TMEM163: variants seen among roughly 807,000 people sequenced by gnomAD.
TMEM163 encodes transmembrane protein 163.
TMEM163 carries 17 observed loss-of-function variants against 29.3 expected under a neutral mutation model. The observed-to-expected ratio is 0.58, with a 90% CI of 0.40 to 0.87. The LOEUF is 0.87. Among genes scored for constraint, TMEM163 ranks in the 40% least tolerant of loss-of-function variants. The pLI is 0.00. For missense variants in TMEM163, 303 were observed against 381.5 expected, an observed-to-expected ratio of 0.79 and a Z score of 1.71; for synonymous variants, 157 against 160.6, an observed-to-expected ratio of 0.98 and a Z score of 0.17.
chr2:134,456,487 G>T lies in TMEM163; in HGVS notation c.*229C>A. 1.8e-6 allele frequency: 1 copy of T among 564,506 alleles called. No homozygotes were observed. 35.0% of individuals were successfully genotyped at this position (564,506 alleles called of 1,614,324 possible). ...CTAAAAAACGCCAGTCCCAGCTGGA[G>T]ACGGGGAAGGAGGTCCATTCCTATG... On this transcript the variant is annotated 3_prime_UTR_variant, in exon 8 of 8. Coordinates refer to ENST00000281924, the MANE Select transcript of TMEM163 (RefSeq NM_030923.5).
chr2:134,644,465 T>C (rs1326728232), intron 2 of TMEM163, among the ~76,000 whole-genome samples: 1 of 152,142 alleles, frequency 6.6e-6, no homozygotes, highest in Non-Finnish European at 1.5e-5. Flanking sequence ...GCCATATGAT[T>C]CCTTTCACAG....
chr2:134,622,220 A>G lies in TMEM163; in HGVS notation c.323-70129T>C, dbSNP rs1192304095. ...TTTGGGGGTGATGAAATGTTTTACA[A>G]TGGAATAATGGTGATACACAAGTTT... is the stretch of plus-strand genomic sequence containing the variant. On this transcript the variant is annotated intron_variant, in intron 2 of 7. Transcript: ENST00000281924. Among the ~76,000 whole-genome samples, 7 of 152,326 alleles carry G rather than the reference A, an allele frequency of 4.6e-5. No individual in the cohort carries two copies. The East Asian group carries it at 1.3e-3, about 29-fold the overall frequency.
chr2:134,640,798 T>C (rs564053350), intron 2 of TMEM163, among the ~76,000 whole-genome samples: 9 of 152,302 alleles, frequency 5.9e-5, no homozygotes, highest in South Asian at 2.1e-4. Context: ...CTTCAGATCA[T>C]AGAAAACTTA....
intron 5 of TMEM163, among the ~76,000 whole-genome samples, chr2:134,499,557 C>A (rs1039453133): frequency 6.6e-6 from 1 of 152,234 alleles, no homozygotes; most frequent in Non-Finnish European, 1.5e-5. Flanking sequence ...GGGCAGGCAA[C>A]ACCACGAGGC....
intron 2 of TMEM163, among the ~76,000 whole-genome samples, chr2:134,639,607 GT>G (rs1683184025): frequency 1.3e-5 from 2 of 152,198 alleles, no homozygotes; most frequent in Non-Finnish European, 2.9e-5. Context: ...TAAATGTGCT[GT>G]TTTTGTGTAA....
intron 2 of TMEM163, among the ~76,000 whole-genome samples, chr2:134,581,589 C>T (rs190976784): frequency 1.5e-3 from 229 of 152,256 alleles, no homozygotes; most frequent in African/African-American, 4.2e-3. Flanking sequence ...CAGCAATTCC[C>T]CCACTTACAG....
At chr2:134,556,263 T>C (rs531500333) in intron 2 of TMEM163, among the ~76,000 whole-genome samples, 6 of 152,334 alleles carry the variant, frequency 3.9e-5, no homozygotes, top group Non-Finnish European at 8.8e-5. Flanking sequence ...TTGATTTGCT[T>C]AAGCCAGTGT....
At chr2:134,568,727 CA>C (rs949875749) in intron 2 of TMEM163, among the ~76,000 whole-genome samples, 6 of 151,032 alleles carry the variant, frequency 4.0e-5, no homozygotes, top group Non-Finnish European at 8.9e-5. Context: ...AACAAAGAAA[CA>C]AAGAAAGAAA....
chr2:134,573,723 C>G (rs1681486536), intron 2 of TMEM163, among the ~76,000 whole-genome samples: 2 of 152,252 alleles, frequency 1.3e-5, no homozygotes, highest in Admixed American at 6.5e-5. Context: ...CTAAAAAACA[C>G]AGTTAACCAG....
chr2:134,580,943 A>G (rs1372997086), intron 2 of TMEM163, among the ~76,000 whole-genome samples: 1 of 152,134 alleles, frequency 6.6e-6, no homozygotes, highest in Non-Finnish European at 1.5e-5. Flanking sequence ...CAGGAGCAAG[A>G]TGTGGATGGT....
intron 2 of TMEM163, among the ~76,000 whole-genome samples, chr2:134,670,886 A>G (rs1233869425): frequency 6.6e-6 from 1 of 152,224 alleles, no homozygotes; most frequent in Non-Finnish European, 1.5e-5. Context: ...GCTTGCATAA[A>G]CAAAATGTCA....
intron 2 of TMEM163, among the ~76,000 whole-genome samples, chr2:134,690,804 A>G (rs990081261): frequency 6.6e-6 from 1 of 152,246 alleles, no homozygotes; most frequent in Non-Finnish European, 1.5e-5. Context: ...AGTTGTGGCC[A>G]TTCCCACCAG....
chr2:134,484,220 G>A (rs577392236), intron 5 of TMEM163, among the ~76,000 whole-genome samples: 7 of 152,068 alleles, frequency 4.6e-5, no homozygotes, highest in African/African-American at 1.2e-4. Flanking sequence ...CTAGCACAAC[G>A]CGTGGAGGAA....
chr2:134,692,388 C>T (rs1381994000), intron 2 of TMEM163, among the ~76,000 whole-genome samples: 1 of 152,242 alleles, frequency 6.6e-6, no homozygotes, highest in African/African-American at 2.4e-5. Flanking sequence ...ATGTCTTCCA[C>T]TAGTTCCTTA....
intron 2 of TMEM163, among the ~76,000 whole-genome samples, chr2:134,604,625 A>G (rs1175327199): frequency 6.6e-6 from 1 of 152,158 alleles, no homozygotes. Context: ...CCTACAAGGC[A>G]GCAGTCATTG....
At chr2:134,536,015 G>A (rs532394730) in intron 4 of TMEM163, among the ~76,000 whole-genome samples, 4 of 152,212 alleles carry the variant, frequency 2.6e-5, no homozygotes, top group Non-Finnish European at 4.4e-5. Context: ...GAGCCACCGC[G>A]CCCAGCCTTG....
intron 2 of TMEM163, among the ~76,000 whole-genome samples, chr2:134,556,017 A>G (rs1020741278): frequency 6.6e-6 from 1 of 152,222 alleles, no homozygotes; most frequent in African/African-American, 2.4e-5. Context: ...TTTGCTGAAA[A>G]TATTGGAACG....
chr2:134,475,779 G>A, intron 5 of TMEM163, among the ~76,000 whole-genome samples: 1 of 152,106 alleles, frequency 6.6e-6, no homozygotes, highest in East Asian at 1.9e-4. Context: ...ACCACTGTAA[G>A]TGACCACTAC....
intron 2 of TMEM163, among the ~76,000 whole-genome samples, chr2:134,592,438 T>C (rs1247444883): frequency 6.6e-6 from 1 of 152,234 alleles, no homozygotes; most frequent in African/African-American, 2.4e-5. Flanking sequence ...TTTTTTTCCT[T>C]CAGGGCCTAT....
Sources: gnomAD v4.1 joint callset for allele counts (sites outside exome capture counted in the v4.1 genomes callset) on GRCh38, gnomAD v4.1.1 for gene constraint, MANE v1.5 for transcripts, NCBI Gene and HGNC (gene_info 2026-07-23, HGNC 2026-07-21) for gene names.